AUTS2: variants seen among roughly 807,000 people sequenced by gnomAD.
AUTS2 encodes the protein autism susceptibility gene 2 protein.
A neutral mutation model predicts 112.4 loss-of-function variants in AUTS2; 17 were observed. That is an observed-to-expected ratio of 0.15 (90% CI 0.10 to 0.23). AUTS2 has a LOEUF of 0.23. AUTS2 is among the 10% of genes least tolerant of loss of function. The pLI, the probability that AUTS2 is intolerant of heterozygous loss-of-function variation, is 1.00. For synonymous variants in AUTS2, 751 were observed against 702.7 expected (o/e 1.07, Z -1.09); for missense variants, 1,510 against 1,701.6 (o/e 0.89, Z 1.98).
At chr7:70,355,870 G>T (rs1203193197) in intron 4 of AUTS2, among the ~76,000 whole-genome samples, 1 of 152,158 alleles carries the variant, frequency 6.6e-6, no homozygotes, top group Non-Finnish European at 1.5e-5. Flanking sequence ...TTACCCCTGG[G>T]ACCACTGTAA....
chr7:70,100,023 T>G (rs1804402571), intron 2 of AUTS2, among the ~76,000 whole-genome samples: 1 of 152,204 alleles, frequency 6.6e-6, no homozygotes, highest in Non-Finnish European at 1.5e-5. Context: ...GACAAATATG[T>G]ATTTTTAGAC....
intron 2 of AUTS2, among the ~76,000 whole-genome samples, chr7:70,071,209 C>T (rs1467107768): frequency 6.6e-6 from 1 of 152,136 alleles, no homozygotes; most frequent in Non-Finnish European, 1.5e-5. Flanking sequence ...GAAGCTCTCC[C>T]AGGGTCATCA....
chr7:69,777,039 A>G (rs116634979), intron 1 of AUTS2, among the ~76,000 whole-genome samples: 1 of 152,094 alleles, frequency 6.6e-6, no homozygotes, highest in Non-Finnish European at 1.5e-5. Context: ...TCTTTCCCTA[A>G]CCCACTACCT....
Position 70,042,527 on chromosome 7 carries a change from C to T in AUTS2, c.523-75605C>T, listed in dbSNP as rs186297744. On this transcript the variant is annotated intron_variant, in intron 2 of 18. Transcript: ENST00000342771. The stretch of plus-strand genomic sequence containing the variant: ...AAAAATTGTGCATTAAATACTGGAA[C>T]CTTTCTCTGAAAAAAAGTAAAGCAA... Among the ~76,000 whole-genome samples the T allele has an allele frequency of 1.8e-4, 27 of 152,210 alleles. No homozygotes were observed. In the East Asian group the frequency reaches 2.7e-3, roughly 15 times the overall value.
chr7:70,786,282 A>G lies in AUTS2; in HGVS notation c.2308+244A>G, dbSNP rs73704812. 0.015 allele frequency among the ~76,000 whole-genome samples: 2,238 copies of G among 152,308 alleles called. 60 individuals are homozygous for G. The highest frequency in any genetic ancestry group is 0.051 in the African/African-American group (2,129 of 41,558). ...AGGAACGGCAGTGTAGTTGATGACC[A>G]CAGAAAGTTTACTCAAGTGCGGAGT... On this transcript the variant is annotated intron_variant, in intron 17 of 18. Coordinates refer to ENST00000342771, the MANE Select transcript of AUTS2 (RefSeq NM_015570.4).
chr7:70,108,476 C>T (rs1430727507), intron 2 of AUTS2, among the ~76,000 whole-genome samples: 1 of 152,010 alleles, frequency 6.6e-6, no homozygotes, highest in Non-Finnish European at 1.5e-5. Flanking sequence ...CATCTAACTT[C>T]AACAATTAAG....
intron 1 of AUTS2, among the ~76,000 whole-genome samples, chr7:69,633,909 G>GT (rs1794393233): frequency 6.6e-6 from 1 of 151,932 alleles, no homozygotes; most frequent in African/African-American, 2.4e-5. Flanking sequence ...CATTTCATTG[G>GT]TTATTTCTTT....
intron 5 of AUTS2, among the ~76,000 whole-genome samples, chr7:70,639,060 C>G (rs1297128910): frequency 6.6e-6 from 1 of 152,096 alleles, no homozygotes; most frequent in East Asian, 1.9e-4. Context: ...CTTTTAAAAT[C>G]CATAACTCTT....
chr7:70,363,777 A>G (rs1398971841), intron 4 of AUTS2, among the ~76,000 whole-genome samples: 3 of 152,216 alleles, frequency 2.0e-5, no homozygotes, highest in Non-Finnish European at 4.4e-5. Context: ...AAACAAAACA[A>G]TTCAGCTCAA....
chr7:70,547,446 G>A (rs1800835521), intron 5 of AUTS2, among the ~76,000 whole-genome samples: 1 of 152,114 alleles, frequency 6.6e-6, no homozygotes, highest in Non-Finnish European at 1.5e-5. Context: ...ATAGAGACAG[G>A]GTTTCACCAT....
intron 6 of AUTS2, among the ~76,000 whole-genome samples, chr7:70,704,106 G>A (rs1425437095): frequency 6.6e-6 from 1 of 152,160 alleles, no homozygotes; most frequent in East Asian, 1.9e-4. Context: ...GAAACCACCA[G>A]TAACAGTCAA....
At chr7:69,708,915 T>C (rs917647837) in intron 1 of AUTS2, among the ~76,000 whole-genome samples, 2 of 152,230 alleles carry the variant, frequency 1.3e-5, no homozygotes, top group African/African-American at 4.8e-5. Flanking sequence ...TGAACATTTA[T>C]TTTTATTGAA....
Position 69,783,124 on chromosome 7 carries a change from T to C in AUTS2, c.310-116162T>C, listed in dbSNP as rs999300467. On this transcript the variant is annotated intron_variant, in intron 1 of 18. Transcript: ENST00000342771. Reference sequence around the variant, plus strand: ...TTTTTTTTTTTTTTGGCTTCACTTATCCCACTTGACATTGCCAAACGTGCT... The same window carrying C: ...TTTTTTTTTTTTTTGGCTTCACTTACCCCACTTGACATTGCCAAACGTGCT... Among the ~76,000 whole-genome samples the C allele has an allele frequency of 2.7e-4, 38 of 142,114 alleles. 1 individual carries two copies. Among genetic ancestry groups the C allele is most frequent in the African/African-American group, 1.6e-4 (6 of 38,252 alleles). The allele number at this position is 142,114 out of a possible 152,430, so 93.2% of individuals were successfully genotyped here.
intron 4 of AUTS2, among the ~76,000 whole-genome samples, chr7:70,193,622 T>C (rs1810018906): frequency 6.6e-6 from 1 of 152,208 alleles, no homozygotes; most frequent in South Asian, 2.1e-4. Context: ...AGGATGATGA[T>C]TTTTGCAGCA....
At chr7:69,860,048 T>TG (rs1311825960) in intron 1 of AUTS2, among the ~76,000 whole-genome samples, 2 of 152,050 alleles carry the variant, frequency 1.3e-5, no homozygotes, top group African/African-American at 2.4e-5. Context: ...GGTGTTTTTT[T>TG]TTGTTGTTGT....
chr7:70,034,763 C>T (rs150388637), intron 2 of AUTS2, among the ~76,000 whole-genome samples: 312 of 152,204 alleles, frequency 2.0e-3, no homozygotes, highest in African/African-American at 7.2e-3. Flanking sequence ...GTTAAGGTTA[C>T]CACTCAGAAC....
At chr7:70,062,921 A>G (rs1043841975) in intron 2 of AUTS2, among the ~76,000 whole-genome samples, 8 of 152,198 alleles carry the variant, frequency 5.3e-5, no homozygotes, top group African/African-American at 7.2e-5. Flanking sequence ...TGAGGGCAGG[A>G]GACCATCTTA....
chr7:69,906,803 A>C (rs1186955319), intron 2 of AUTS2, among the ~76,000 whole-genome samples: 2 of 152,112 alleles, frequency 1.3e-5, no homozygotes, highest in African/African-American at 4.8e-5. Flanking sequence ...CCTTGCCCAA[A>C]GGGTCAAACA....
At chr7:70,192,303 C>G (rs1809944303) in intron 4 of AUTS2, among the ~76,000 whole-genome samples, 1 of 152,096 alleles carries the variant, frequency 6.6e-6, no homozygotes, top group African/African-American at 2.4e-5. Context: ...GGAAAAAAAT[C>G]CCTGTTTCTT....
Sources: gnomAD v4.1 joint callset for allele counts (sites outside exome capture counted in the v4.1 genomes callset) on GRCh38, gnomAD v4.1.1 for gene constraint, MANE v1.5 for transcripts, NCBI Gene and HGNC (gene_info 2026-07-23, HGNC 2026-07-21) for gene names.